Variants in TMEM126B observed in about 807,000 individuals in gnomAD.
The protein encoded by TMEM126B is complex I assembly factor TMEM126B, mitochondrial.
In TMEM126B, 19 loss-of-function variants were observed where a neutral mutation model predicts 16.5. The observed-to-expected ratio is 1.15, with a 90% CI of 0.80 to 1.69. The LOEUF (loss-of-function observed/expected upper bound fraction) is 1.69. TMEM126B is among the 40% of genes most tolerant of loss of function. The probability of loss-of-function intolerance (pLI) is 0.00; values close to 1 mark genes in which losing one functional copy is unlikely to be tolerated. For missense variants in TMEM126B, 293 were observed against 278.7 expected, an observed-to-expected ratio of 1.05 and a Z score of -0.37; for synonymous variants, 104 against 93.2, an observed-to-expected ratio of 1.12 and a Z score of -0.67.
intron 2 of TMEM126B, among the ~76,000 whole-genome samples, chr11:85,633,431 T>C (rs1420830612): frequency 6.6e-6 from 1 of 152,236 alleles, no homozygotes; most frequent in Non-Finnish European, 1.5e-5. Flanking sequence ...AGTGTAAAAG[T>C]GTTCCTATTT....
Position 85,634,210 on chromosome 11 carries a change from T to A in TMEM126B, c.328T>A (p.Leu110Met). ...TGATGCTTTGAAGACATATGCATCA[T>A]TGGCTACACTTCCATTTTTGTCTAC... The part of the protein sequence containing the change: ...KHDALKTYAS[L>M]ATLPFLSTVV... Residue 110 changes from leucine to methionine, a missense_variant, in exon 3 of 5, where the codon TTG becomes ATG. By Grantham distance (15) the Leu-to-Met change is conservative. Transcript: ENST00000358867. 6.2e-7 allele frequency: 1 copy of A among 1,613,834 alleles called. No homozygotes were observed. Among genetic ancestry groups the A allele is most frequent in the Non-Finnish European group, 8.5e-7 (1 of 1,179,880 alleles).
At chr11:85,631,301 A>G (rs2082292208) in intron 1 of TMEM126B, 1 of 1,251,752 alleles carries the variant, frequency 8.0e-7, no homozygotes, top group South Asian at 1.3e-5. Context: ...GAGAGAGGAA[A>G]ACAGCAACAG....
rs2082332192 is a variant in TMEM126B at position 85,633,019 on chromosome 11, T to C, written c.204-1067T>C. On this transcript the variant is annotated intron_variant, in intron 2 of 4. Transcript: ENST00000358867. ...TTCCTGTGTCCATGTGTTCTCATTG[T>C]TCATTTCCCACCTATGAGTGAGAAT... 1.3e-5 allele frequency among the ~76,000 whole-genome samples: 2 copies of C among 152,204 alleles called. 1 individual carries two copies. Among genetic ancestry groups the C allele is most frequent in the African/African-American group, 4.8e-5 (2 of 41,452 alleles).
In TMEM126B at chr11:85,636,305, A is replaced by G. The variant is rs2082404361; in HGVS notation, c.*76A>G. Reference sequence around the variant, plus strand: ...GGACTCAGGCATTGCTGAAAGAGTTAAAAGTAACTGTGAACAAATAATTTG... The same window carrying G: ...GGACTCAGGCATTGCTGAAAGAGTTGAAAGTAACTGTGAACAAATAATTTG... On this transcript the variant is annotated 3_prime_UTR_variant, in exon 5 of 5. Coordinates refer to ENST00000358867, the MANE Select transcript of TMEM126B (RefSeq NM_018480.7). The G allele has an allele frequency of 2.8e-6, 3 of 1,088,668 alleles. No homozygotes were observed. Among genetic ancestry groups the G allele is most frequent in the South Asian group, 2.5e-5 (1 of 40,202 alleles). The allele number at this position is 1,088,668 out of a possible 1,614,324, so 67.4% of individuals were successfully genotyped here.
At position 85,636,175 on chromosome 11, in the gene TMEM126B, A is replaced by G. The variant is rs371228457; in HGVS notation, c.639A>G (p.Leu213=). ...FQIMFGILNG[L]YHYAVFEETL... is the part of the protein sequence containing the mutation. ...TTATGTTTGGAATATTAAATGGTCT[A>G]TACCATTATGCAGTATTTGAAGAGA... The change falls in exon 5 of 5, where the codon CTA becomes CTG. Residue 213 remains leucine, a synonymous_variant. Transcript: ENST00000358867. The G allele has an allele frequency of 4.7e-5, 75 of 1,603,898 alleles. No individual in the cohort carries two copies. The highest frequency in any genetic ancestry group is 5.9e-5 in the Non-Finnish European group (69 of 1,177,102).
Position 85,631,756 on chromosome 11 carries a change from C to CT in TMEM126B, c.151_152insT (p.Pro51LeufsTer12). ...TCTAGAAGATGCAAAACTCAGAAGA[C>CT]CAATGGTCATAGAAATCATAGAAAA... On this transcript the variant is annotated frameshift_variant, in exon 2 of 5. Transcript: ENST00000358867. LOFTEE classifies it high-confidence loss of function. 1 of 1,612,946 alleles carries CT rather than the reference C, an allele frequency of 6.2e-7. No individual in the cohort carries two copies.
At chr11:85,632,133 T>G (rs1398460191) in intron 2 of TMEM126B, among the ~76,000 whole-genome samples, 1 of 152,238 alleles carries the variant, frequency 6.6e-6, no homozygotes, top group Non-Finnish European at 1.5e-5. Flanking sequence ...GTACTTATAT[T>G]TAATTGGTGA....
In TMEM126B at chr11:85,636,241, A is replaced by G; in HGVS notation, c.*12A>G. On this transcript the variant is annotated 3_prime_UTR_variant, in exon 5 of 5. Transcript: ENST00000358867. Reference sequence around the variant, plus strand: ...TACATGAAGAGTAACCAAAAAAATGAATGGTTGCTAACTTAGCAAAATGAA... The same window carrying G: ...TACATGAAGAGTAACCAAAAAAATGGATGGTTGCTAACTTAGCAAAATGAA... 1 of 1,459,526 alleles carries G rather than the reference A, an allele frequency of 6.9e-7. No homozygotes were observed. The highest frequency in any genetic ancestry group is 2.4e-5 in the East Asian group (1 of 40,818). The allele number at this position is 1,459,526 out of a possible 1,614,324, so 90.4% of individuals were successfully genotyped here. A position where few individuals can be genotyped will look rare whatever the true frequency, so the allele number is the denominator to read the frequency against.
chr11:85,635,951 A>C, intron 4 of TMEM126B, 95 bp from the exon 5 acceptor site: 1 of 1,355,642 alleles, frequency 7.4e-7, no homozygotes, highest in Non-Finnish European at 1.0e-6. Flanking sequence ...TCTACATTAT[A>C]GATCTAGAAA....
In TMEM126B at chr11:85,629,565, G is replaced by A. The variant is rs1033168631; in HGVS notation, c.81+877G>A. Among the ~76,000 whole-genome samples, 4 of 152,194 alleles carry A rather than the reference G, an allele frequency of 2.6e-5. No homozygotes were observed. In the East Asian group the frequency reaches 5.8e-4, roughly 22 times the overall value. On this transcript the variant is annotated intron_variant, in intron 1 of 4. Transcript: ENST00000358867. Reference sequence around the variant, plus strand: ...CTGTTTTCCCTATAGAGACTTTAGGGTGTAGACTAGGTAGGAGATTAGTAG... The same window carrying A: ...CTGTTTTCCCTATAGAGACTTTAGGATGTAGACTAGGTAGGAGATTAGTAG...
chr11:85,631,354 A>G (rs2082293285), intron 1 of TMEM126B: 1 of 1,173,122 alleles, frequency 8.5e-7, no homozygotes, highest in Non-Finnish European at 1.1e-6. Context: ...AAGCAAGCCA[A>G]CCTTTCAGAC....
At chr11:85,630,653 C>T (rs1418795062) in intron 1 of TMEM126B, among the ~76,000 whole-genome samples, 2 of 152,074 alleles carry the variant, frequency 1.3e-5, no homozygotes, top group Non-Finnish European at 2.9e-5. Context: ...TGTTTTTTAA[C>T]CTGTCTAGTT....
intron 1 of TMEM126B, among the ~76,000 whole-genome samples, chr11:85,629,836 C>T (rs1279089664): frequency 6.6e-6 from 1 of 152,146 alleles, no homozygotes; most frequent in Admixed American, 6.5e-5. Context: ...TAAGTCTAGT[C>T]ACTGAAAAAT....
intron 1 of TMEM126B, 116 bp from the exon 2 acceptor site, chr11:85,631,571 T>G: frequency 8.4e-7 from 1 of 1,187,084 alleles, no homozygotes; most frequent in South Asian, 1.5e-5. Context: ...GACGACACAG[T>G]ACCTGGCACA....
At chr11:85,635,536 T>G (rs1484266393) in intron 3 of TMEM126B, 131 bp from the exon 4 acceptor site, 5 of 581,064 alleles carry the variant, frequency 8.6e-6, no homozygotes, top group Non-Finnish European at 1.5e-5. Flanking sequence ...CCACAGAGTT[T>G]GAATTTCTAA....
At chr11:85,632,491 A>C (rs1364087620) in intron 2 of TMEM126B, among the ~76,000 whole-genome samples, 1 of 152,256 alleles carries the variant, frequency 6.6e-6, no homozygotes, top group African/African-American at 2.4e-5. Flanking sequence ...AAGTTCAAGA[A>C]AAAAATCAAA....
chr11:85,628,619 C>T lies in TMEM126B; in HGVS notation c.12C>T (p.Phe4=), dbSNP rs1465458622. The change falls in exon 1 of 5, where the codon TTC becomes TTT. Residue 4 remains phenylalanine, a synonymous_variant. Transcript: ENST00000358867. MVV[F]GYEAGTKPRD... Reference sequence around the variant, plus strand: ...CATGAGCCACCAAAATGGTGGTGTTCGGGTATGAGGCTGGGACTAAGCCAA... The same window carrying T: ...CATGAGCCACCAAAATGGTGGTGTTTGGGTATGAGGCTGGGACTAAGCCAA... 3 of 1,535,940 alleles carry T rather than the reference C, an allele frequency of 2.0e-6. No individual in the cohort carries two copies. The African/African-American group carries it at 4.1e-5, about 21-fold the overall frequency.
At chr11:85,634,354 T>C (rs1234021361) in intron 3 of TMEM126B, 75 bp downstream of exon 3, 11 of 1,044,846 alleles carry the variant, frequency 1.1e-5, no homozygotes, top group Non-Finnish European at 1.4e-5. Context: ...CTGTTGCTAC[T>C]GCTAATAATA....
rs2082407739 is a variant in TMEM126B, at chr11:85,636,509, T to C, written c.*280T>C. ...GTGTCAATAAATGTAACAATAAAAGTTTCATCTTTCCTCTTTGTATGTGGA... is the reference window on the plus strand; with the variant it reads ...GTGTCAATAAATGTAACAATAAAAGCTTCATCTTTCCTCTTTGTATGTGGA... On this transcript the variant is annotated 3_prime_UTR_variant, in exon 5 of 5. Coordinates refer to ENST00000358867, the MANE Select transcript of TMEM126B (RefSeq NM_018480.7). The C allele has an allele frequency of 5.2e-6, 1 of 192,762 alleles. No homozygotes were observed. Among genetic ancestry groups the C allele is most frequent in the Non-Finnish European group, 1.0e-5 (1 of 95,270 alleles). 11.9% of individuals were successfully genotyped at this position (192,762 alleles called of 1,614,324 possible). A position where few individuals can be genotyped will look rare whatever the true frequency, so the allele number is the denominator to read the frequency against.
Sources: allele counts gnomAD v4.1 joint callset (sites outside exome capture counted in the v4.1 genomes callset), GRCh38; gene constraint gnomAD v4.1.1; transcripts MANE v1.5; gene names NCBI Gene and HGNC (gene_info 2026-07-23, HGNC 2026-07-21).